The following TAFA5 variants were observed in gnomAD, a reference collection of about 807,000 sequenced individuals.
The protein encoded by TAFA5 is TAFA chemokine like family member 5.
Under a neutral mutation model 15.3 loss-of-function variants are expected in TAFA5, and 6 were observed. That is an observed-to-expected ratio of 0.39 (90% CI 0.21 to 0.77). The LOEUF is 0.77. Among genes scored for constraint, TAFA5 ranks in the 30% least tolerant of loss-of-function variants. TAFA5 has a pLI of 0.41. For missense variants in TAFA5, 161 were observed against 193.1 expected, an observed-to-expected ratio of 0.83 and a Z score of 0.98; for synonymous variants, 103 against 80.7, an observed-to-expected ratio of 1.28 and a Z score of -1.48.
At chr22:48,675,657 C>T (rs548733862) in intron 2 of TAFA5, among the ~76,000 whole-genome samples, 2 of 152,394 alleles carry the variant, frequency 1.3e-5, no homozygotes, top group African/African-American at 4.8e-5. Flanking sequence ...TCTGACACCA[C>T]TGGGTGCAAA....
At chr22:48,615,463 G>A (rs951719463) in intron 1 of TAFA5, among the ~76,000 whole-genome samples, 22 of 152,172 alleles carry the variant, frequency 1.4e-4, no homozygotes, top group African/African-American at 4.6e-4. Flanking sequence ...GATGGGCTTC[G>A]CCTAGCTGTG....
At chr22:48,575,340 C>G (rs1923730712) in intron 1 of TAFA5, among the ~76,000 whole-genome samples, 1 of 150,914 alleles carries the variant, frequency 6.6e-6, no homozygotes, top group African/African-American at 2.4e-5. Context: ...TCCCCGGGGT[C>G]CCTCGCGGCC....
At chr22:48,526,477 T>C (rs541868624) in intron 1 of TAFA5, among the ~76,000 whole-genome samples, 201 of 152,316 alleles carry the variant, frequency 1.3e-3, no homozygotes, top group Non-Finnish European at 2.5e-3. Flanking sequence ...GAGTCCCTGG[T>C]CCACAAGGGA....
chr22:48,502,693 T>G (rs1920959525), intron 1 of TAFA5, among the ~76,000 whole-genome samples: 1 of 152,008 alleles, frequency 6.6e-6, no homozygotes, highest in East Asian at 1.9e-4. Context: ...GGCTAATTTT[T>G]GTATTTTTAG....
chr22:48,657,665 G>C (rs1345072396), intron 2 of TAFA5, among the ~76,000 whole-genome samples: 1 of 152,188 alleles, frequency 6.6e-6, no homozygotes, highest in East Asian at 1.9e-4. Flanking sequence ...TGTCTCTCCT[G>C]CAGCACCACC....
At chr22:48,523,082 G>A (rs1347792863) in intron 1 of TAFA5, among the ~76,000 whole-genome samples, 1 of 152,202 alleles carries the variant, frequency 6.6e-6, no homozygotes, top group Admixed American at 6.5e-5. Context: ...GGCTGGATGG[G>A]GGCGGCCAGG....
At chr22:48,695,112 G>A (rs910571) in intron 2 of TAFA5, among the ~76,000 whole-genome samples, 12,957 of 152,072 alleles carry the variant, frequency 0.085, 811 homozygotes, top group Admixed American at 0.21. Flanking sequence ...CAGGTGGTGT[G>A]TGTGTCTTTG....
intron 2 of TAFA5, among the ~76,000 whole-genome samples, chr22:48,666,222 A>C (rs931484871): frequency 1.3e-5 from 2 of 152,102 alleles, no homozygotes; most frequent in Non-Finnish European, 2.9e-5. Context: ...TTCTGGGGCC[A>C]TGTCTTCCCC....
intron 3 of TAFA5, among the ~76,000 whole-genome samples, chr22:48,732,768 G>C (rs1299221672): frequency 2.0e-5 from 3 of 152,182 alleles, no homozygotes; most frequent in Non-Finnish European, 4.4e-5. Context: ...CATGAAAGGA[G>C]AGTCAATCGA....
intron 2 of TAFA5, among the ~76,000 whole-genome samples, chr22:48,673,484 G>A (rs568768081): frequency 1.3e-5 from 2 of 152,272 alleles, no homozygotes; most frequent in South Asian, 4.2e-4. Flanking sequence ...CTCTGCAGCA[G>A]GCTTCTCTCC....
chr22:48,616,313 C>T (rs917538890), intron 1 of TAFA5, among the ~76,000 whole-genome samples: 27 of 152,200 alleles, frequency 1.8e-4, no homozygotes, highest in Admixed American at 2.0e-4. Context: ...TTCTAAAATT[C>T]GAGCATTTTC....
In TAFA5 at chr22:48,598,338, G is replaced by A. The variant is rs907660208; in HGVS notation, c.113-48259G>A. On this transcript the variant is annotated intron_variant, in intron 1 of 3. Coordinates refer to ENST00000402357, the MANE Select transcript of TAFA5 (RefSeq NM_001082967.3). This position sits in a 1 kb window ranked among gnomAD's most constrained non-coding sequence, Gnocchi z 4.0. Reference sequence around the variant, plus strand: ...CAGAATCATTTGACCAAACCTGTGGGCACTGTGGCTCCGTCAAGTTGACAC... The same window carrying A: ...CAGAATCATTTGACCAAACCTGTGGACACTGTGGCTCCGTCAAGTTGACAC... 2.0e-5 allele frequency among the ~76,000 whole-genome samples: 3 copies of A among 152,182 alleles called. No individual in the cohort carries two copies. The highest frequency in any genetic ancestry group is 7.2e-5 in the African/African-American group (3 of 41,456).
intron 3 of TAFA5, among the ~76,000 whole-genome samples, chr22:48,743,902 G>C (rs964438347): frequency 6.6e-6 from 1 of 152,238 alleles, no homozygotes; most frequent in South Asian, 2.1e-4. Flanking sequence ...TACAGCAGCC[G>C]AGTGTTGCTT....
intron 1 of TAFA5, among the ~76,000 whole-genome samples, chr22:48,507,410 C>A (rs934547554): frequency 3.3e-5 from 5 of 152,200 alleles, no homozygotes; most frequent in African/African-American, 1.2e-4. Flanking sequence ...CTCCTGTGAA[C>A]CCCCAACCCG....
At position 48,490,927 on chromosome 22, in the gene TAFA5, C is replaced by G. The variant is rs1295188846; in HGVS notation, c.112+1223C>G. 6.6e-6 allele frequency among the ~76,000 whole-genome samples: 1 copy of G among 152,200 alleles called. No individual in the cohort carries two copies. Among genetic ancestry groups the G allele is most frequent in the African/African-American group, 2.4e-5 (1 of 41,454 alleles). ...TGGCCCAGGGAGACCCGGGCAGCCG[C>G]GGGATCGGCCTCCGGAGTCCTGGGA... On this transcript the variant is annotated intron_variant, in intron 1 of 3. Coordinates refer to ENST00000402357, the MANE Select transcript of TAFA5 (RefSeq NM_001082967.3). The surrounding 1 kb of genome is among the most constrained non-coding windows in gnomAD (Gnocchi z 5.8).
At chr22:48,543,121 C>G (rs572034482) in intron 1 of TAFA5, among the ~76,000 whole-genome samples, 3 of 151,970 alleles carry the variant, frequency 2.0e-5, no homozygotes, top group African/African-American at 7.3e-5. Context: ...GAGCCCTCCA[C>G]GTCCTCCCCT....
At chr22:48,619,599 C>T (rs1925732739) in intron 1 of TAFA5, among the ~76,000 whole-genome samples, 1 of 152,188 alleles carries the variant, frequency 6.6e-6, no homozygotes, top group African/African-American at 2.4e-5. Context: ...CATGATCTGC[C>T]CACTTTGGAC....
chr22:48,558,028 G>C (rs1194385584), intron 1 of TAFA5, among the ~76,000 whole-genome samples: 1 of 152,150 alleles, frequency 6.6e-6, no homozygotes, highest in Non-Finnish European at 1.5e-5. Context: ...GGGGGGAGTG[G>C]TCTTGTTTCC....
intron 2 of TAFA5, among the ~76,000 whole-genome samples, chr22:48,647,248 T>G (rs959368772): frequency 6.6e-6 from 1 of 152,082 alleles, no homozygotes; most frequent in African/African-American, 2.4e-5. Flanking sequence ...CACATGCAGA[T>G]GAGTGCCTGC....
Sources: allele counts gnomAD v4.1 joint callset (sites outside exome capture counted in the v4.1 genomes callset), GRCh38; gene constraint gnomAD v4.1.1; non-coding constraint Gnocchi (gnomAD v3.1); transcripts MANE v1.5; gene names NCBI Gene and HGNC (gene_info 2026-07-23, HGNC 2026-07-21).